The following AGBL4 variants were observed in gnomAD, a reference collection of about 807,000 sequenced individuals.
AGBL4 encodes cytosolic carboxypeptidase 6.
In AGBL4, 58 loss-of-function variants were observed where a neutral mutation model predicts 66.4. The ratio of observed to expected loss-of-function variants is 0.87; its 90% CI spans 0.71 to 1.09. The LOEUF is 1.09. AGBL4 is among the 50% of genes least tolerant of loss of function. The pLI is 0.00. For synonymous variants in AGBL4, 234 were observed against 222.9 expected, an observed-to-expected ratio of 1.05 and a Z score of -0.44; for missense variants, 579 against 631.0, an observed-to-expected ratio of 0.92 and a Z score of 0.88.
intron 2 of AGBL4, among the ~76,000 whole-genome samples, chr1:49,735,483 A>G (rs1015596907): frequency 4.6e-5 from 7 of 151,922 alleles, no homozygotes; most frequent in Non-Finnish European, 2.9e-5. Flanking sequence ...ATGTGATCCT[A>G]TAATTTTATA....
intron 3 of AGBL4, among the ~76,000 whole-genome samples, chr1:49,565,799 G>T (rs927542906): frequency 2.0e-5 from 3 of 152,114 alleles, no homozygotes; most frequent in Non-Finnish European, 4.4e-5. Flanking sequence ...TCTTCTTGAG[G>T]AGTATCTTTG....
At chr1:48,764,110 C>A (rs1157228037) in intron 6 of AGBL4, among the ~76,000 whole-genome samples, 1 of 152,102 alleles carries the variant, frequency 6.6e-6, no homozygotes, top group Admixed American at 6.5e-5. Flanking sequence ...GAAAAGAGAA[C>A]CCAAGATCTC....
chr1:49,470,525 G>A (rs1211295932), intron 3 of AGBL4, among the ~76,000 whole-genome samples: 1 of 151,946 alleles, frequency 6.6e-6, no homozygotes, highest in African/African-American at 2.4e-5. Flanking sequence ...GTGTTAGCAG[G>A]TGGAACTTGA....
chr1:49,601,979 C>T (rs1278004585), intron 3 of AGBL4, among the ~76,000 whole-genome samples: 2 of 152,100 alleles, frequency 1.3e-5, no homozygotes. Flanking sequence ...TATCCAGAAT[C>T]CACAAAGAAT....
chr1:49,742,423 C>T (rs1440455032), intron 2 of AGBL4, among the ~76,000 whole-genome samples: 2 of 152,038 alleles, frequency 1.3e-5, no homozygotes, highest in Non-Finnish European at 2.9e-5. Flanking sequence ...AATGGAAGAA[C>T]ATTCCATGCT....
At chr1:49,541,662 C>T (rs748456951) in intron 3 of AGBL4, among the ~76,000 whole-genome samples, 28 of 152,160 alleles carry the variant, frequency 1.8e-4, no homozygotes, top group Admixed American at 3.3e-4. Context: ...AGGAGCGCTG[C>T]CCCCTGCTCC....
chr1:48,632,498 A>C (rs1645609066), intron 9 of AGBL4, among the ~76,000 whole-genome samples: 1 of 151,338 alleles, frequency 6.6e-6, no homozygotes, highest in African/African-American at 2.4e-5. Context: ...CTGCCCCTAA[A>C]CTCCCATTTC....
At chr1:48,679,310 C>T (rs1456617247) in intron 6 of AGBL4, among the ~76,000 whole-genome samples, 1 of 152,180 alleles carries the variant, frequency 6.6e-6, no homozygotes, top group Non-Finnish European at 1.5e-5. Flanking sequence ...TCAGACAGGC[C>T]TGGGTTCAAA....
chr1:49,010,455 C>T (rs1227097797), intron 5 of AGBL4, among the ~76,000 whole-genome samples: 3 of 137,782 alleles, frequency 2.2e-5, no homozygotes, highest in South Asian at 2.5e-4. Flanking sequence ...CCATACTGCC[C>T]AAGGTAATTT....
intron 2 of AGBL4, among the ~76,000 whole-genome samples, chr1:49,839,440 A>C (rs2148035833): frequency 6.6e-6 from 1 of 152,292 alleles, no homozygotes; most frequent in Non-Finnish European, 1.5e-5. Context: ...AAATGAGATA[A>C]TGGCCTTATA....
At chr1:49,514,372 C>A (rs1366404732) in intron 3 of AGBL4, among the ~76,000 whole-genome samples, 1 of 151,812 alleles carries the variant, frequency 6.6e-6, no homozygotes, top group Non-Finnish European at 1.5e-5. Context: ...AACCACTGCT[C>A]AATGAAATAA....
intron 3 of AGBL4, among the ~76,000 whole-genome samples, chr1:49,566,231 TG>T (rs1644200586): frequency 6.6e-6 from 1 of 152,296 alleles, no homozygotes; most frequent in Middle Eastern, 3.4e-3. Context: ...TTAGCTTCTT[TG>T]CCATTGGTTC....
chr1:48,744,820 C>T (rs1353662888), intron 6 of AGBL4, among the ~76,000 whole-genome samples: 1 of 152,180 alleles, frequency 6.6e-6, no homozygotes, highest in Non-Finnish European at 1.5e-5. Context: ...TCATTTCTTG[C>T]CCCCCACCAA....
rs188325598 is a variant in AGBL4, at chr1:49,703,514, G to A, written c.158-6077C>T. On this transcript the variant is annotated intron_variant, in intron 2 of 13. Coordinates refer to ENST00000371839, the MANE Select transcript of AGBL4 (RefSeq NM_032785.4). ...AAAAAACATTTGACAAATTCCACAC[G>A]CATTCATGATTAAAAAAAAAAAACA... is the stretch of plus-strand genomic sequence containing the variant. 4.1e-4 allele frequency among the ~76,000 whole-genome samples: 61 copies of A among 149,920 alleles called. No individual in the cohort carries two copies. The East Asian group carries it at 6.9e-3, about 17-fold the overall frequency.
chr1:49,838,759 T>C (rs934689115), intron 2 of AGBL4, among the ~76,000 whole-genome samples: 1 of 152,228 alleles, frequency 6.6e-6, no homozygotes, highest in East Asian at 1.9e-4. Flanking sequence ...TATCATGTTC[T>C]GGTTATCACT....
At chr1:49,985,974 C>G (rs748152208) in intron 1 of AGBL4, among the ~76,000 whole-genome samples, 21 of 152,062 alleles carry the variant, frequency 1.4e-4, no homozygotes, top group Non-Finnish European at 2.9e-4. Flanking sequence ...CCTGCTTCAA[C>G]GCTTTAATTA....
At chr1:49,645,536 T>A (rs1219012706) in intron 3 of AGBL4, among the ~76,000 whole-genome samples, 1 of 151,472 alleles carries the variant, frequency 6.6e-6, no homozygotes, top group Non-Finnish European at 1.5e-5. Flanking sequence ...CTTAGAAGAC[T>A]GAATTCGTCA....
intron 6 of AGBL4, among the ~76,000 whole-genome samples, chr1:48,797,833 C>T (rs1645725312): frequency 6.6e-6 from 1 of 152,134 alleles, no homozygotes; most frequent in Non-Finnish European, 1.5e-5. Context: ...AGGCGTGAGC[C>T]ACTGCACCCG....
chr1:49,253,638 T>A lies in AGBL4; in HGVS notation c.283-7774A>T, dbSNP rs189312179. 7.9e-5 allele frequency among the ~76,000 whole-genome samples: 12 copies of A among 151,470 alleles called. No homozygotes were observed. The South Asian group carries it at 1.9e-3, about 24-fold the overall frequency. On this transcript the variant is annotated intron_variant, in intron 3 of 13. Transcript: ENST00000371839. ...TCCTACTGAAACTATTCCAAAAAAT[T>A]GAGGAGGAAAGAATCCTCCCTAACT...
Sources: gnomAD v4.1 joint callset for allele counts (sites outside exome capture counted in the v4.1 genomes callset) on GRCh38, gnomAD v4.1.1 for gene constraint, MANE v1.5 for transcripts, NCBI Gene and HGNC (gene_info 2026-07-23, HGNC 2026-07-21) for gene names.